The following GATA4 variants were observed in gnomAD, a reference collection of about 807,000 sequenced individuals.
GATA4 encodes the protein GATA binding protein 4.
GATA4 carries 7 observed loss-of-function variants against 37.9 expected under a neutral mutation model. The ratio of observed to expected loss-of-function variants is 0.18; its 90% CI spans 0.11 to 0.35. The LOEUF (loss-of-function observed/expected upper bound fraction) is 0.35. Ranked by LOEUF, GATA4 falls within the 10% of genes least tolerant of loss-of-function variation. The pLI, the probability that GATA4 is intolerant of heterozygous loss-of-function variation, is 1.00. For synonymous variants in GATA4, 372 were observed against 292.6 expected, an observed-to-expected ratio of 1.27 and a Z score of -2.77; for missense variants, 647 against 653.0, an observed-to-expected ratio of 0.99 and a Z score of 0.10.
chr8:11,686,092 T>C (rs778571511), intron 1 of GATA4, among the ~76,000 whole-genome samples: 66 of 152,314 alleles, frequency 4.3e-4, no homozygotes, highest in Admixed American at 1.9e-3. Context: ...AAGTAGCAGA[T>C]GCCTTCCTCC....
Position 11,704,236 on chromosome 8 carries a change from G to C in GATA4, c.-526G>C, listed in dbSNP as rs1020048778. 4.6e-5 allele frequency: 7 copies of C among 152,326 alleles called. No individual in the cohort carries two copies. Among genetic ancestry groups the C allele is most frequent in the African/African-American group, 1.4e-4 (6 of 41,472 alleles). The allele number at this position is 152,326 out of a possible 1,614,324, so 9.4% of individuals were successfully genotyped here. A position where few individuals can be genotyped will look rare whatever the true frequency, so the allele number is the denominator to read the frequency against. ...GAGGCGGCCGGCGCAGGGGCCGCGA[G>C]AGGCTTCGTCGCCGCTGCAGCTCCG... On this transcript the variant is annotated 5_prime_UTR_variant, in exon 1 of 7. Transcript: ENST00000532059.
chr8:11,749,987 G>A lies in GATA4; in HGVS notation c.787-124G>A, dbSNP rs1802218629. 1.1e-5 allele frequency: 15 copies of A among 1,319,504 alleles called. No individual in the cohort carries two copies. Among genetic ancestry groups the A allele is most frequent in the Middle Eastern group, 4.9e-4 (2 of 4,116 alleles). 81.7% of individuals were successfully genotyped at this position (1,319,504 alleles called of 1,614,324 possible). On this transcript the variant is annotated intron_variant, in intron 3 of 6. Coordinates refer to ENST00000532059, the MANE Select transcript of GATA4 (RefSeq NM_001308093.3). This position sits in a 1 kb window ranked among gnomAD's most constrained non-coding sequence, Gnocchi z 4.6. The stretch of plus-strand genomic sequence containing the variant: ...TGCCGTCACAGGTCAGAGATCTCAT[G>A]CAGGGTCGTTAGGGCCCAGCCCTGC...
At chr8:11,738,301 C>G (rs904319671) in intron 2 of GATA4, among the ~76,000 whole-genome samples, 2 of 152,026 alleles carry the variant, frequency 1.3e-5, no homozygotes, top group African/African-American at 4.8e-5. Context: ...CACCAAGACA[C>G]CTCCCTGGAA....
chr8:11,680,909 C>T, intron 1 of GATA4: 1 of 985,348 alleles, frequency 1.0e-6, no homozygotes, highest in Non-Finnish European at 1.2e-6. Context: ...CTAAAGAGGC[C>T]AAGGATCACA....
chr8:11,750,385 C>A, intron 4 of GATA4, 149 bp downstream of exon 4: 3 of 1,064,464 alleles, frequency 2.8e-6, no homozygotes, highest in Non-Finnish European at 2.8e-6. Flanking sequence ...ACTTTGCTGG[C>A]CTCTTCCGTC....
In GATA4 at chr8:11,755,029, T is replaced by G. The variant is rs1471006593; in HGVS notation, c.913-17T>G. ...GCAGAAATGGAAAACCCTATATATTTACTTGTGACCCTCCAGGTCCCCAGG... is the reference window on the plus strand; with the variant it reads ...GCAGAAATGGAAAACCCTATATATTGACTTGTGACCCTCCAGGTCCCCAGG... On this transcript the variant is annotated splice_polypyrimidine_tract_variant and intron_variant, in intron 4 of 6. Transcript: ENST00000532059. The G allele has an allele frequency of 1.2e-6, 2 of 1,604,872 alleles. No homozygotes were observed. The highest frequency in any genetic ancestry group is 4.5e-5 in the East Asian group (2 of 44,820).
chr8:11,695,203 C>A (rs182337964), intron 1 of GATA4, among the ~76,000 whole-genome samples: 115 of 152,230 alleles, frequency 7.6e-4, no homozygotes, highest in African/African-American at 2.6e-3. Context: ...GCTGGGAGTT[C>A]GAGACCAGCC....
At chr8:11,750,064 T>A (rs376759459) in intron 3 of GATA4, 47 bp from the exon 4 acceptor site, 1 of 1,613,532 alleles carries the variant, frequency 6.2e-7, no homozygotes, top group South Asian at 1.1e-5. Flanking sequence ...GGAAGGGCAG[T>A]GCACACCTTT....
At chr8:11,727,400 C>T (rs74459197) in intron 2 of GATA4, among the ~76,000 whole-genome samples, 3,678 of 152,226 alleles carry the variant, frequency 0.024, 86 homozygotes, top group East Asian at 0.1. Context: ...GAAGGGGGAG[C>T]CCATTAGCCA....
At chr8:11,693,058 G>C in intron 1 of GATA4, 1 of 985,376 alleles carries the variant, frequency 1.0e-6, no homozygotes, top group South Asian at 4.7e-5. Context: ...GGAGTGGGCC[G>C]GCAGCGTTTT....
intron 2 of GATA4, among the ~76,000 whole-genome samples, chr8:11,745,912 G>A (rs1802007252): frequency 1.3e-5 from 2 of 152,204 alleles, no homozygotes; most frequent in Non-Finnish European, 1.5e-5. Context: ...ACAAATGATT[G>A]GAAGCTGGAT....
At chr8:11,732,882 C>A (rs971114388) in intron 2 of GATA4, among the ~76,000 whole-genome samples, 2 of 152,172 alleles carry the variant, frequency 1.3e-5, no homozygotes, top group Non-Finnish European at 2.9e-5. Context: ...TAAATCCAGA[C>A]CACATGGAGG....
chr8:11,691,870 A>G (rs946066865), upstream of GATA4: 2 of 216,498 alleles, frequency 9.2e-6, no homozygotes, highest in African/African-American at 4.7e-5. Flanking sequence ...GGAAGAATTT[A>G]GGACCTTTCC....
intron 2 of GATA4, among the ~76,000 whole-genome samples, chr8:11,730,550 G>T (rs1801155856): frequency 6.6e-6 from 1 of 152,196 alleles, no homozygotes; most frequent in Non-Finnish European, 1.5e-5. Context: ...CCACGTAGGG[G>T]CCTGAGGACA....
At chr8:11,755,987 CTA>C (rs1180393547) in intron 5 of GATA4, among the ~76,000 whole-genome samples, 4 of 149,620 alleles carry the variant, frequency 2.7e-5, no homozygotes, top group Non-Finnish European at 5.9e-5. Flanking sequence ...AATATATTAA[CTA>C]TTTATTAAAT....
upstream of GATA4, among the ~76,000 whole-genome samples, chr8:11,703,988 C>T (rs1034694128): frequency 6.6e-6 from 1 of 152,280 alleles, no homozygotes; most frequent in Non-Finnish European, 1.5e-5. Flanking sequence ...GGGTGATTCC[C>T]CGCTCCCTGG....
At chr8:11,756,758 G>A (rs1396256717) in intron 5 of GATA4, 177 bp from the exon 6 acceptor site, 12 of 807,632 alleles carry the variant, frequency 1.5e-5, no homozygotes, top group Non-Finnish European at 4.2e-6. Flanking sequence ...ATGAGATAGG[G>A]GGAAGAAGCC....
Position 11,708,834 on chromosome 8 carries a change from C to G in GATA4, c.522C>G (p.Ala174=). 6.7e-7 allele frequency: 1 copy of G among 1,495,456 alleles called. No individual in the cohort carries two copies. The highest frequency in any genetic ancestry group is 8.8e-7 in the Non-Finnish European group (1 of 1,130,194). 92.6% of individuals were successfully genotyped at this position (1,495,456 alleles called of 1,614,324 possible). Residue 174 remains alanine, a synonymous_variant, in exon 2 of 7, where the codon GCC becomes GCG. Transcript: ENST00000532059. This position sits in a 1 kb window ranked among gnomAD's most constrained non-coding sequence, Gnocchi z 6.7. The stretch of plus-strand genomic sequence containing the variant: ...TGGCCGACGTGGGCGCGTCCTGGGC[C>G]GCAGCCGCCGCCGCCTCCGCCGGCC... ...AYMADVGASW[A]AAAAASAGPF...
rs1554498776 is a variant in GATA4 at position 11,757,029 on chromosome 8, C to G, written c.1095C>G (p.Ile365Met). The G allele has an allele frequency of 6.2e-7, 1 of 1,614,240 alleles. No individual in the cohort carries two copies. The highest frequency in any genetic ancestry group is 8.5e-7 in the Non-Finnish European group (1 of 1,180,050). ...GCAGCAGCGAGGAGATGCGTCCCAT[C>G]AAGACGGAGCCTGGCCTGTCATCTC... ...TTSSSEEMRP[I>M]KTEPGLSSHY... The change falls in exon 6 of 7, where the codon ATC (isoleucine) becomes ATG (methionine). Residue 365 changes from isoleucine to methionine, a missense_variant. Physicochemically the swap from Ile to Met is conservative, Grantham distance 10. Transcript: ENST00000532059.
Sources: allele counts gnomAD v4.1 joint callset (sites outside exome capture counted in the v4.1 genomes callset), GRCh38; gene constraint gnomAD v4.1.1; non-coding constraint Gnocchi (gnomAD v3.1); transcripts MANE v1.5; gene names NCBI Gene and HGNC (gene_info 2026-07-23, HGNC 2026-07-21).